PLEKHB2: variants seen among roughly 807,000 people sequenced by gnomAD.
PLEKHB2 encodes pleckstrin homology domain-containing family B member 2.
In PLEKHB2, 31 loss-of-function variants were observed where a neutral mutation model predicts 36.5. That is an observed-to-expected ratio of 0.85 (90% CI 0.64 to 1.15). The LOEUF (loss-of-function observed/expected upper bound fraction) is 1.15, where lower values mean the gene tolerates loss of function less well. Ranked by LOEUF, PLEKHB2 falls within the 50% of genes most tolerant of loss-of-function variation. The pLI, the probability that PLEKHB2 is intolerant of heterozygous loss-of-function variation, is 0.00. For synonymous variants in PLEKHB2, 119 were observed against 112.0 expected, an observed-to-expected ratio of 1.06 and a Z score of -0.39; for missense variants, 262 against 295.3, an observed-to-expected ratio of 0.89 and a Z score of 0.83.
intron 2 of PLEKHB2, among the ~76,000 whole-genome samples, chr2:131,122,512 G>T (rs1365351738): frequency 2.0e-5 from 3 of 152,176 alleles, no homozygotes; most frequent in Non-Finnish European, 4.4e-5. Context: ...CTGTTAAATA[G>T]ATTTTATGTA....
chr2:131,112,252 C>G (rs1029357567), intron 1 of PLEKHB2, among the ~76,000 whole-genome samples: 2 of 152,162 alleles, frequency 1.3e-5, no homozygotes, highest in Admixed American at 1.3e-4. Context: ...TGGGGAGCCT[C>G]CAGAATAGCC....
chr2:131,114,216 C>G (rs1231729284), intron 1 of PLEKHB2, among the ~76,000 whole-genome samples: 1 of 152,188 alleles, frequency 6.6e-6, no homozygotes, highest in African/African-American at 2.4e-5. Context: ...AGCTCCGCCT[C>G]CTGGGTTCGC....
intron 6 of PLEKHB2, among the ~76,000 whole-genome samples, chr2:131,139,559 C>A (rs1312916254): frequency 3.3e-5 from 5 of 152,212 alleles, no homozygotes; most frequent in Non-Finnish European, 7.3e-5. Context: ...GAAGGCCAGT[C>A]TTTGATTTCA....
At chr2:131,125,503 C>G (rs1696999370) in intron 2 of PLEKHB2, among the ~76,000 whole-genome samples, 1 of 152,152 alleles carries the variant, frequency 6.6e-6, no homozygotes, top group Admixed American at 6.5e-5. Flanking sequence ...AATTAGAGGA[C>G]TATGTCCTTG....
Position 131,149,261 on chromosome 2 carries a change from CG to C in PLEKHB2, c.*2489del, listed in dbSNP as rs1699513137. The C allele has an allele frequency of 1.3e-5, 2 of 152,336 alleles. No individual in the cohort carries two copies. Among genetic ancestry groups the C allele is most frequent in the African/African-American group, 2.4e-5 (1 of 41,562 alleles). 9.4% of individuals were successfully genotyped at this position (152,336 alleles called of 1,614,324 possible). On this transcript the variant is annotated 3_prime_UTR_variant, in exon 8 of 8. Coordinates refer to ENST00000693505, the MANE Select transcript of PLEKHB2 (RefSeq NM_001100623.2). ...TGTTTTGATAGCCTCAGTTTCTCAA[CG>C]ATGTCTTTTGTTTACAGTGCTACAC...
chr2:131,129,170 C>G (rs1697397466), intron 4 of PLEKHB2, among the ~76,000 whole-genome samples: 1 of 149,730 alleles, frequency 6.7e-6, no homozygotes. Flanking sequence ...ACTAAAAATA[C>G]AAAAATTAGC....
At chr2:131,135,490 C>T (rs1698148175) in intron 6 of PLEKHB2, among the ~76,000 whole-genome samples, 1 of 152,180 alleles carries the variant, frequency 6.6e-6, no homozygotes, top group African/African-American at 2.4e-5. Context: ...AACCTTTATG[C>T]CTTCTGTTTC....
chr2:131,117,311 T>C (rs1178514864), intron 1 of PLEKHB2, among the ~76,000 whole-genome samples: 20 of 151,370 alleles, frequency 1.3e-4, no homozygotes, highest in Admixed American at 1.1e-3. Context: ...CCCGTAATTC[T>C]AGCTACTTGG....
At chr2:131,133,987 C>T (rs895940525) in intron 6 of PLEKHB2, among the ~76,000 whole-genome samples, 9 of 151,460 alleles carry the variant, frequency 5.9e-5, no homozygotes, top group African/African-American at 2.2e-4. Flanking sequence ...AAAAGCTCCG[C>T]CTCCTGGGTT....
Position 131,146,909 on chromosome 2 carries a change from T to C in PLEKHB2, c.*136T>C. 2 of 734,216 alleles carry C rather than the reference T, an allele frequency of 2.7e-6. No homozygotes were observed. The highest frequency in any genetic ancestry group is 4.3e-5 in the South Asian group (2 of 46,122). 45.5% of individuals were successfully genotyped at this position (734,216 alleles called of 1,614,324 possible). A position where few individuals can be genotyped will look rare whatever the true frequency, so the allele number is the denominator to read the frequency against. On this transcript the variant is annotated 3_prime_UTR_variant, in exon 8 of 8. Coordinates refer to ENST00000693505, the MANE Select transcript of PLEKHB2 (RefSeq NM_001100623.2). ...CCTTTGAAAGTAGTGATGTCATAAT[T>C]GTACTAATCCACATAAGTACCACAG...
chr2:131,107,027 A>G (rs1182018475), intron 1 of PLEKHB2, among the ~76,000 whole-genome samples: 1 of 151,902 alleles, frequency 6.6e-6, no homozygotes, highest in East Asian at 1.9e-4. Context: ...TTGTGGTGTT[A>G]CTCCTTGGGA....
chr2:131,132,242 A>G (rs921285761), intron 5 of PLEKHB2, among the ~76,000 whole-genome samples: 1 of 152,174 alleles, frequency 6.6e-6, no homozygotes, highest in Non-Finnish European at 1.5e-5. Context: ...TGTATAGGAC[A>G]TATCTCTTGA....
At chr2:131,121,184 A>C (rs956882333) in intron 2 of PLEKHB2, among the ~76,000 whole-genome samples, 17 of 152,246 alleles carry the variant, frequency 1.1e-4, no homozygotes, top group African/African-American at 3.9e-4. Context: ...GACAGGAACC[A>C]GGAAATGATG....
intron 6 of PLEKHB2, among the ~76,000 whole-genome samples, chr2:131,134,142 G>T (rs939277101): frequency 4.0e-5 from 6 of 151,850 alleles, no homozygotes; most frequent in Non-Finnish European, 7.4e-5. Context: ...CTCATGATCC[G>T]CCCACCTCGG....
chr2:131,111,309 A>C (rs1035048032), intron 1 of PLEKHB2, among the ~76,000 whole-genome samples: 40 of 150,494 alleles, frequency 2.7e-4, no homozygotes, highest in African/African-American at 9.5e-4. Context: ...CCCAGCCAGC[A>C]GAATATTTTA....
chr2:131,114,452 G>T (rs1435217785), intron 1 of PLEKHB2, among the ~76,000 whole-genome samples: 4 of 152,138 alleles, frequency 2.6e-5, no homozygotes, highest in Admixed American at 2.0e-4. Flanking sequence ...CCATTGTCTT[G>T]GTGATTAACA....
chr2:131,117,175 G>C (rs1331998038), intron 1 of PLEKHB2, among the ~76,000 whole-genome samples: 1 of 152,154 alleles, frequency 6.6e-6, no homozygotes, highest in Non-Finnish European at 1.5e-5. Context: ...AGAAGGCTGG[G>C]CATGGTGGCT....
Position 131,148,890 on chromosome 2 carries a change from C to G in PLEKHB2, c.*2117C>G, listed in dbSNP as rs1490476959. The G allele has an allele frequency of 6.6e-6, 1 of 152,156 alleles. No individual in the cohort carries two copies. The highest frequency in any genetic ancestry group is 1.5e-5 in the Non-Finnish European group (1 of 68,020). 9.4% of individuals were successfully genotyped at this position (152,156 alleles called of 1,614,324 possible). ...GTACACTTTACTTAAAAACTATTAA[C>G]AGTTTTTCATGTTGCACTGGTGGTA... On this transcript the variant is annotated 3_prime_UTR_variant, in exon 8 of 8. Transcript: ENST00000693505.
rs1467811565 is a variant in PLEKHB2 at position 131,120,993 on chromosome 2, T to G, written c.37+15T>G. 6.2e-7 allele frequency: 1 copy of G among 1,613,068 alleles called. No homozygotes were observed. The highest frequency in any genetic ancestry group is 8.5e-7 in the Non-Finnish European group (1 of 1,179,228). On this transcript the variant is annotated intron_variant, in intron 2 of 7. Coordinates refer to ENST00000693505, the MANE Select transcript of PLEKHB2 (RefSeq NM_001100623.2). ...GCTGCGACAGAGTGAGTACAGGATG[T>G]GCGGTCTGCGATCGGCATTGCCGAA...
Sources: allele counts gnomAD v4.1 joint callset (sites outside exome capture counted in the v4.1 genomes callset), GRCh38; gene constraint gnomAD v4.1.1; transcripts MANE v1.5; gene names NCBI Gene and HGNC (gene_info 2026-07-23, HGNC 2026-07-21).